Variants in ZNG1E observed in about 807,000 individuals in gnomAD.
ZNG1E encodes the protein Zn regulated GTPase metalloprotein activator 1E.
At chr9:65,666,849 T>C in the ZNG1E span, among the ~76,000 whole-genome samples, 7 of 152,332 alleles carry the variant, frequency 4.6e-5, no homozygotes, top group Admixed American at 3.9e-4. Context: ...AGATGGAGTT[T>C]CTCTGTTATC....
At chr9:65,658,580 GAAA>G in the ZNG1E span, among the ~76,000 whole-genome samples, 10 of 136,046 alleles carry the variant, frequency 7.4e-5, no homozygotes, top group Non-Finnish European at 8.1e-5. Flanking sequence ...CTACTTGAGT[GAAA>G]AAAAAAAAAA....
At chr9:65,657,959 C>T in the ZNG1E span, among the ~76,000 whole-genome samples, 1 of 152,268 alleles carries the variant, frequency 6.6e-6, no homozygotes, top group Admixed American at 6.5e-5. Context: ...GTTAGCTGGG[C>T]ATGGCGGCTC....
At chr9:65,717,678 G>A in the ZNG1E span, among the ~76,000 whole-genome samples, 6 of 149,466 alleles carry the variant, frequency 4.0e-5, no homozygotes, top group Admixed American at 4.0e-4. Flanking sequence ...CATGAAATTT[G>A]CCTTTCATTT....
At chr9:65,657,567 C>A in the ZNG1E span, among the ~76,000 whole-genome samples, 3 of 152,216 alleles carry the variant, frequency 2.0e-5, no homozygotes, top group Non-Finnish European at 4.4e-5. Context: ...TTACCAGAGG[C>A]TGGAAGGGTA....
At chr9:65,699,088 A>AT in the ZNG1E span, among the ~76,000 whole-genome samples, 560 of 133,680 alleles carry the variant, frequency 4.2e-3, 2 homozygotes, top group South Asian at 0.024. Flanking sequence ...ATTTTATTTT[A>AT]TTTTATTTTT....
the ZNG1E span, chr9:65,681,422 T>A: frequency 6.3e-7 from 1 of 1,594,866 alleles, no homozygotes; most frequent in Non-Finnish European, 8.5e-7. Flanking sequence ...GTACTGTAAT[T>A]TAGATATCAA....
the ZNG1E span, among the ~76,000 whole-genome samples, chr9:65,686,665 G>T: frequency 2.8e-4 from 43 of 152,296 alleles, no homozygotes; most frequent in African/African-American, 8.7e-4. Context: ...TAAAAAATAA[G>T]TCTGTTACTT....
chr9:65,662,434 G>A, the ZNG1E span, among the ~76,000 whole-genome samples: 15 of 152,244 alleles, frequency 9.9e-5, no homozygotes, highest in African/African-American at 1.7e-4. Flanking sequence ...GTAGCGTATC[G>A]ACGCTCATTA....
the ZNG1E span, among the ~76,000 whole-genome samples, chr9:65,680,029 A>C: frequency 6.6e-6 from 1 of 152,280 alleles, no homozygotes; most frequent in Admixed American, 6.5e-5. Context: ...CTTTATCCTC[A>C]TGTATTTTAT....
At chr9:65,720,000 G>T in the ZNG1E span, 36 of 1,598,086 alleles carry the variant, frequency 2.3e-5, no homozygotes, top group African/African-American at 4.4e-4. Context: ...AGTTAAATCA[G>T]AAGTGTATTA....
chr9:65,709,660 T>C, the ZNG1E span, among the ~76,000 whole-genome samples: 1 of 138,636 alleles, frequency 7.2e-6, no homozygotes, highest in African/African-American at 2.9e-5. Flanking sequence ...ATTTCATCCA[T>C]GTCCCTACAA....
At chr9:65,672,649 C>G in the ZNG1E span, among the ~76,000 whole-genome samples, 10 of 150,940 alleles carry the variant, frequency 6.6e-5, no homozygotes, top group Admixed American at 6.6e-4. Flanking sequence ...GAAGCTGAGG[C>G]AGGAGAATCG....
chr9:65,663,184 C>T, the ZNG1E span, among the ~76,000 whole-genome samples: 1 of 152,282 alleles, frequency 6.6e-6, no homozygotes, highest in South Asian at 2.1e-4. Flanking sequence ...AGTAGCTCCT[C>T]AGGCAAGTCA....
chr9:65,664,326 G>T, the ZNG1E span, among the ~76,000 whole-genome samples: 1 of 149,774 alleles, frequency 6.7e-6, no homozygotes, highest in Non-Finnish European at 1.5e-5. Context: ...GTTGTGGGGG[G>T]ACCCGGTGGG....
chr9:65,678,100 T>TG, the ZNG1E span, among the ~76,000 whole-genome samples: 1 of 152,104 alleles, frequency 6.6e-6, no homozygotes, highest in African/African-American at 2.4e-5. Flanking sequence ...AAAGTGTTTT[T>TG]TTTTTTTTTT....
chr9:65,656,442 C>T, the ZNG1E span, among the ~76,000 whole-genome samples: 1 of 151,720 alleles, frequency 6.6e-6, no homozygotes, highest in Non-Finnish European at 1.5e-5. Context: ...GGAGAAAACT[C>T]AGAAGTACCT....
At chr9:65,714,402 ACTGCGTTTCTTTGGAGGAGGAGAGGCG>A in the ZNG1E span, among the ~76,000 whole-genome samples, 152 of 120,866 alleles carry the variant, frequency 1.3e-3, no homozygotes, top group Non-Finnish European at 1.1e-3. Context: ...TTGGTGAGGA[ACTGCGTTTCTTTGGAGGAGGAGAGGCG>A]CTGCGTTCCT....
the ZNG1E span, among the ~76,000 whole-genome samples, chr9:65,660,488 AC>A: frequency 6.6e-6 from 1 of 152,264 alleles, no homozygotes; most frequent in Admixed American, 6.5e-5. Context: ...AAATAATCTA[AC>A]CAAAATTAAA....
the ZNG1E span, chr9:65,704,909 T>C: frequency 1.7e-4 from 1 of 5,842 alleles, no homozygotes; most frequent in Admixed American, 2.2e-3. Context: ...AGACTCTGTC[T>C]CAAAAAAAAA....
Sources: gnomAD v4.1 joint callset for allele counts (sites outside exome capture counted in the v4.1 genomes callset) on GRCh38, gnomAD v4.1.1 for gene constraint, MANE v1.5 for transcripts, NCBI Gene and HGNC (gene_info 2026-07-23, HGNC 2026-07-21) for gene names.